The following XCL1 variants were observed in gnomAD, a reference collection of about 807,000 sequenced individuals.
XCL1 encodes lymphotactin.
Under a neutral mutation model 7.4 loss-of-function variants are expected in XCL1, and 6 were observed. The observed-to-expected ratio is 0.82, with a 90% CI of 0.45 to 1.61. XCL1 has a LOEUF of 1.61. XCL1 is among the 40% of genes most tolerant of loss of function. The pLI is 0.01. For synonymous variants in XCL1, 48 were observed against 52.4 expected, an observed-to-expected ratio of 0.92 and a Z score of 0.36; for missense variants, 122 against 138.2, an observed-to-expected ratio of 0.88 and a Z score of 0.59.
chr1:168,579,083 T>A, intron 1 of XCL1: 1 of 425,270 alleles, frequency 2.4e-6, no homozygotes, highest in South Asian at 1.8e-5. Flanking sequence ...CTTCTCAGCC[T>A]GGGCCAACAG....
In XCL1 at chr1:168,581,986, T is replaced by C. The variant is rs1655184359; in HGVS notation, c.*766T>C. 2 of 152,210 alleles carry C rather than the reference T, an allele frequency of 1.3e-5. No homozygotes were observed. The highest frequency in any genetic ancestry group is 2.9e-5 in the Non-Finnish European group (2 of 68,032). 9.4% of individuals were successfully genotyped at this position (152,210 alleles called of 1,614,324 possible). ...TTTACTGCGAATAAGCTTTTAATGC[T>C]CCAAATGCTGACCCATGCAATATTT... is the stretch of plus-strand genomic sequence containing the variant. On this transcript the variant is annotated 3_prime_UTR_variant, in exon 3 of 3. Transcript: ENST00000367818.
chr1:168,577,774 A>G (rs1655056214), intron 1 of XCL1, among the ~76,000 whole-genome samples: 1 of 151,988 alleles, frequency 6.6e-6, no homozygotes. Context: ...TTTGAGGGAG[A>G]CTCAGATCTG....
chr1:168,580,401 C>T (rs1655134507), intron 2 of XCL1, among the ~76,000 whole-genome samples: 3 of 152,178 alleles, frequency 2.0e-5, no homozygotes, highest in South Asian at 2.1e-4. Context: ...TAGAAGTCCT[C>T]CTCTATTTAG....
rs1476950269 is a variant in XCL1, at chr1:168,576,688, C to T, written c.51C>T (p.Tyr17=). 1 of 1,613,752 alleles carries T rather than the reference C, an allele frequency of 6.2e-7. No homozygotes were observed. Among genetic ancestry groups the T allele is most frequent in the South Asian group, 1.1e-5 (1 of 91,074 alleles). ...ALLGICSLTA[Y]IVEGVGSEVS... ...TTGGCATCTGCTCTCTCACTGCATA[C>T]ATTGTGGAAGGTAAGTGGAGAAGCT... is the stretch of plus-strand genomic sequence containing the variant. Residue 17 remains tyrosine, a synonymous_variant, in exon 1 of 3, where the codon TAC becomes TAT. Transcript: ENST00000367818.
At chr1:168,580,669 A>G (rs891814941) in intron 2 of XCL1, among the ~76,000 whole-genome samples, 58 of 152,304 alleles carry the variant, frequency 3.8e-4, no homozygotes, top group African/African-American at 1.3e-3. Flanking sequence ...TGCAAGCTTT[A>G]CTCTAAAAAA....
chr1:168,579,806 G>A (rs528445369), intron 1 of XCL1, among the ~76,000 whole-genome samples: 60 of 152,122 alleles, frequency 3.9e-4, no homozygotes, highest in African/African-American at 1.4e-3. Flanking sequence ...ACAGAGACGG[G>A]ATAACATCTT....
At chr1:168,580,790 A>C (rs1655145036) in intron 2 of XCL1, among the ~76,000 whole-genome samples, 1 of 152,214 alleles carries the variant, frequency 6.6e-6, no homozygotes, top group Admixed American at 6.5e-5. Flanking sequence ...TCTTTTTGTT[A>C]CAACATTTGG....
At chr1:168,576,921 T>A (rs966663991) in intron 1 of XCL1, among the ~76,000 whole-genome samples, 1 of 152,202 alleles carries the variant, frequency 6.6e-6, no homozygotes, top group African/African-American at 2.4e-5. Context: ...CTTTTCCTAA[T>A]TGGGTAATTT....
chr1:168,580,972 A>G (rs1249270753), intron 2 of XCL1, 80 bp from the exon 3 acceptor site: 3 of 1,539,246 alleles, frequency 1.9e-6, no homozygotes, highest in Non-Finnish European at 2.6e-6. Flanking sequence ...AGATCTCTTC[A>G]TGTCTGCCCT....
In XCL1 at chr1:168,581,101, T is replaced by G. The variant is rs774062693; in HGVS notation, c.226T>G (p.Trp76Gly). The stretch of plus-strand genomic sequence containing the variant: ...AGTCTGTGCTGATCCACAAGCCACA[T>G]GGGTGAGAGACGTGGTCAGGAGCAT... The part of the protein sequence containing the change: ...LKVCADPQAT[W>G]VRDVVRSMDR... Residue 76 changes from tryptophan to glycine, a missense_variant, in exon 3 of 3, where the codon TGG becomes GGG. Physicochemically the swap from Trp to Gly is radical, Grantham distance 184. Transcript: ENST00000367818. 2.0e-5 allele frequency: 33 copies of G among 1,613,712 alleles called. No individual in the cohort carries two copies. The highest frequency in any genetic ancestry group is 2.7e-5 in the Non-Finnish European group (32 of 1,179,788).
intron 1 of XCL1, chr1:168,578,624 A>G (rs958378027): frequency 1.0e-5 from 2 of 200,040 alleles, no homozygotes; most frequent in African/African-American, 4.7e-5. Flanking sequence ...TATTATTTTT[A>G]TGTACAGAAA....
In XCL1 at chr1:168,581,588, C is replaced by T. The variant is rs1214633225; in HGVS notation, c.*368C>T. On this transcript the variant is annotated 3_prime_UTR_variant, in exon 3 of 3. Coordinates refer to ENST00000367818, the MANE Select transcript of XCL1 (RefSeq NM_002995.3). ...CAGCTTGTAATGGTTCTTTACACATCAGTCACAAGTTACAGCTGTGACAAT... is the reference window on the plus strand; with the variant it reads ...CAGCTTGTAATGGTTCTTTACACATTAGTCACAAGTTACAGCTGTGACAAT... The T allele has an allele frequency of 1.9e-5, 3 of 158,450 alleles. No homozygotes were observed. The highest frequency in any genetic ancestry group is 7.2e-5 in the African/African-American group (3 of 41,414). 9.8% of individuals were successfully genotyped at this position (158,450 alleles called of 1,614,324 possible). A position where few individuals can be genotyped will look rare whatever the true frequency, so the allele number is the denominator to read the frequency against.
rs372097768 is a variant in XCL1 at position 168,581,027 on chromosome 1, C to T, written c.177-25C>T. The T allele has an allele frequency of 7.3e-5, 117 of 1,610,566 alleles. 1 individual carries two copies. Among genetic ancestry groups the T allele is most frequent in the African/African-American group, 4.7e-4 (35 of 74,964 alleles). ...GAGGCTTTGAGAATGTGGCTAACTT[C>T]GTCTGTCTTTTCCTTGCGTTACAGT... On this transcript the variant is annotated intron_variant, in intron 2 of 2. Coordinates refer to ENST00000367818, the MANE Select transcript of XCL1 (RefSeq NM_002995.3).
At chr1:168,580,482 C>T (rs6687507) in intron 2 of XCL1, among the ~76,000 whole-genome samples, 81,003 of 151,858 alleles carry the variant, frequency 0.53, 22,387 homozygotes, top group Middle Eastern at 0.69. Context: ...TGGCCCATGT[C>T]AGGGTTTCCC....
At chr1:168,576,896 G>A (rs1655036726) in intron 1 of XCL1, among the ~76,000 whole-genome samples, 198 bp downstream of exon 1, 1 of 152,166 alleles carries the variant, frequency 6.6e-6, no homozygotes, top group East Asian at 1.9e-4. Context: ...AATTTGATTA[G>A]TATCTGGGCT....
chr1:168,577,288 A>G (rs1655046621), intron 1 of XCL1, among the ~76,000 whole-genome samples: 1 of 152,176 alleles, frequency 6.6e-6, no homozygotes, highest in African/African-American at 2.4e-5. Context: ...CATGTCCAGA[A>G]AATCAATATT....
At position 168,576,642 on chromosome 1, in the gene XCL1, G is replaced by T; in HGVS notation, c.5G>T (p.Arg2Ile). 6.2e-7 allele frequency: 1 copy of T among 1,613,670 alleles called. No homozygotes were observed. The highest frequency in any genetic ancestry group is 1.1e-5 in the South Asian group (1 of 91,070). The change falls in exon 1 of 3, where the codon AGA (arginine) becomes ATA (isoleucine). Residue 2 changes from arginine (R) to isoleucine (I), a missense_variant. Transcript: ENST00000367818. Reference protein sequence around the residue: MRLLILALLGIC... With the variant: MILLILALLGIC... ...CAGCTCAGCAGGACCTCAGCCATGA[G>T]ACTTCTCATCCTGGCCCTCCTTGGC...
chr1:168,580,921 C>T, intron 2 of XCL1, 131 bp from the exon 3 acceptor site: 4 of 1,308,278 alleles, frequency 3.1e-6, no homozygotes, highest in Non-Finnish European at 4.1e-6. Flanking sequence ...TTTATGATCT[C>T]ATGGCTCTGA....
At position 168,580,134 on chromosome 1, in the gene XCL1, A is replaced by G; in HGVS notation, c.133A>G (p.Ile45Val). The change falls in exon 2 of 3, where the codon ATC becomes GTC. Residue 45 changes from isoleucine (I) to valine (V), a missense_variant. Physicochemically the swap from Ile to Val is conservative, Grantham distance 29. Transcript: ENST00000367818. ...TACCCAGCGACTGCCGGTTAGCAGA[A>G]TCAAGACCTACACCATCACGGAAGG... ...LTTQRLPVSR[I>V]KTYTITEGSL... is the part of the protein sequence containing the mutation. The G allele has an allele frequency of 6.2e-7, 1 of 1,613,938 alleles. No homozygotes were observed. Among genetic ancestry groups the G allele is most frequent in the South Asian group, 1.1e-5 (1 of 91,064 alleles).
Sources: allele counts gnomAD v4.1 joint callset (sites outside exome capture counted in the v4.1 genomes callset), GRCh38; gene constraint gnomAD v4.1.1; transcripts MANE v1.5; gene names NCBI Gene and HGNC (gene_info 2026-07-23, HGNC 2026-07-21).